KLF8: variants seen among roughly 807,000 people sequenced by gnomAD.
KLF8 encodes the protein Krueppel-like factor 8.
Under a neutral mutation model 18.2 loss-of-function variants are expected in KLF8, and 10 were observed. That is an observed-to-expected ratio of 0.55 (90% confidence interval 0.34 to 0.93). KLF8 has a LOEUF of 0.93. Among genes scored for constraint, KLF8 ranks in the 40% least tolerant of loss-of-function variants. The pLI is 0.02. For missense variants in KLF8, 264 were observed against 277.9 expected (o/e 0.95, Z 0.36); for synonymous variants, 109 against 97.3 (o/e 1.12, Z -0.71).
At chrX:56,050,827 G>A in the KLF8 span, among the ~76,000 whole-genome samples, 6 of 109,641 alleles carry the variant, frequency 5.5e-5, no homozygotes, top group South Asian at 3.9e-4. Flanking sequence ...TATCCTTGTT[G>A]ACTTTCTGTC....
chrX:56,059,752 T>G, the KLF8 span, among the ~76,000 whole-genome samples: 1 of 111,908 alleles, frequency 8.9e-6, no homozygotes, highest in Non-Finnish European at 1.9e-5. Flanking sequence ...TTTTGTTTAC[T>G]GTAGCCTTGT....
chrX:55,939,133 C>G, the KLF8 span, among the ~76,000 whole-genome samples: 1 of 111,712 alleles, frequency 9.0e-6, no homozygotes, highest in Non-Finnish European at 1.9e-5. Flanking sequence ...AAGTAAAGCT[C>G]TCCTCAGCAA....
At chrX:56,221,498 G>A in the KLF8 span, among the ~76,000 whole-genome samples, 3 of 111,641 alleles carry the variant, frequency 2.7e-5, no homozygotes, top group Non-Finnish European at 3.8e-5. Context: ...GCGGACCCTC[G>A]CGGTGAGTGT....
intron 1 of KLF8, chrX:56,242,824 C>G: frequency 3.7e-6 from 1 of 272,535 alleles, no homozygotes; most frequent in Non-Finnish European, 6.7e-6. Context: ...ACTTCCTTTT[C>G]TCTCATTCCA....
the KLF8 span, among the ~76,000 whole-genome samples, chrX:56,077,010 T>A: frequency 8.9e-6 from 1 of 112,029 alleles, no homozygotes; most frequent in East Asian, 2.8e-4. Context: ...CTTGTAAATT[T>A]GTTTGAGTTC....
chrX:56,252,473 A>G (rs2066728950), intron 2 of KLF8, among the ~76,000 whole-genome samples: 1 of 111,977 alleles, frequency 8.9e-6, no homozygotes. Context: ...AACATGTGAT[A>G]TTTGTCTTTC....
chrX:56,019,776 T>C, the KLF8 span, among the ~76,000 whole-genome samples: 141 of 111,911 alleles, frequency 1.3e-3, no homozygotes, highest in Non-Finnish European at 2.4e-3. Flanking sequence ...ACAAAGTCCC[T>C]GAGGAACACA....
In KLF8 at chrX:56,284,987, A is replaced by G. The variant is rs1396874099; in HGVS notation, c.*493A>G. 8.9e-6 allele frequency: 1 copy of G among 112,677 alleles called. No individual in the cohort carries two copies. The highest frequency in any genetic ancestry group is 2.8e-4 in the East Asian group (1 of 3,603). 9.3% of individuals were successfully genotyped at this position (112,677 alleles called of 1,213,427 possible). On this transcript the variant is annotated 3_prime_UTR_variant, in exon 6 of 6. Coordinates refer to ENST00000468660, the MANE Select transcript of KLF8 (RefSeq NM_007250.5). ...GAGCATAACAATGTAGTTGATTGGT[A>G]AGATTTACAGGGATTTGGTTTCTGA...
chrX:56,049,194 T>C, the KLF8 span, among the ~76,000 whole-genome samples: 1 of 111,520 alleles, frequency 9.0e-6, no homozygotes, highest in Non-Finnish European at 1.9e-5. Context: ...TCTAGATATA[T>C]AATCATGTCA....
At chrX:56,116,634 GATATATATATAT>G in the KLF8 span, among the ~76,000 whole-genome samples, 35 of 78,157 alleles carry the variant, frequency 4.5e-4, no homozygotes, top group African/African-American at 1.2e-3. Flanking sequence ...ATGATGTTCT[GATATATATATAT>G]ATATATATAT....
At chrX:56,103,396 G>A in the KLF8 span, among the ~76,000 whole-genome samples, 19 of 111,370 alleles carry the variant, frequency 1.7e-4, no homozygotes, top group African/African-American at 5.5e-4. Flanking sequence ...TTGAGCAGTG[G>A]TTTGTAGTTC....
At chrX:56,052,668 C>T in the KLF8 span, among the ~76,000 whole-genome samples, 2 of 112,003 alleles carry the variant, frequency 1.8e-5, no homozygotes, top group African/African-American at 6.5e-5. Context: ...CTGCTCTCTT[C>T]AAAGCTGTCA....
the KLF8 span, among the ~76,000 whole-genome samples, chrX:55,931,430 T>C: frequency 9.0e-6 from 1 of 111,626 alleles, no homozygotes; most frequent in African/African-American, 3.3e-5. Context: ...ATTTGTTTGC[T>C]CTTGCTTCTC....
chrX:56,030,647 C>T, the KLF8 span, among the ~76,000 whole-genome samples: 313 of 108,784 alleles, frequency 2.9e-3, no homozygotes, highest in African/African-American at 1.0e-2. Context: ...AGCGAGCCAC[C>T]AAGGGAGGAG....
At chrX:56,178,601 G>A in the KLF8 span, among the ~76,000 whole-genome samples, 7 of 112,297 alleles carry the variant, frequency 6.2e-5, no homozygotes, top group Non-Finnish European at 1.1e-4. Context: ...TTCTTCTAGG[G>A]TTTTTATAGT....
chrX:55,938,051 C>G, the KLF8 span, among the ~76,000 whole-genome samples: 2 of 110,961 alleles, frequency 1.8e-5, no homozygotes, highest in Non-Finnish European at 3.8e-5. Flanking sequence ...TCGAGAAGAG[C>G]AACTCCAAGA....
At chrX:56,030,056 G>C in the KLF8 span, among the ~76,000 whole-genome samples, 1 of 112,437 alleles carries the variant, frequency 8.9e-6, no homozygotes, top group Admixed American at 9.4e-5. Context: ...CTGATTTTCA[G>C]GACTATCTGG....
chrX:56,075,643 C>G, the KLF8 span, among the ~76,000 whole-genome samples: 1 of 111,678 alleles, frequency 9.0e-6, no homozygotes, highest in Non-Finnish European at 1.9e-5. Flanking sequence ...CATTAACCAT[C>G]CTCACCTTCT....
At chrX:56,173,365 C>G in the KLF8 span, among the ~76,000 whole-genome samples, 1 of 111,651 alleles carries the variant, frequency 9.0e-6, no homozygotes, top group Non-Finnish European at 1.9e-5. Context: ...GAATTGTTTC[C>G]CCATTTCTTG....
Sources: allele counts gnomAD v4.1 joint callset (sites outside exome capture counted in the v4.1 genomes callset), GRCh38; gene constraint gnomAD v4.1.1; transcripts MANE v1.5; gene names NCBI Gene and HGNC (gene_info 2026-07-23, HGNC 2026-07-21).